The following SUSD5 variants were observed in gnomAD, a reference collection of about 807,000 sequenced individuals.
SUSD5 encodes the protein sushi domain containing 5.
A neutral mutation model predicts 29.5 loss-of-function variants in SUSD5; 33 were observed. The ratio of observed to expected loss-of-function variants is 1.12; its 90% CI spans 0.85 to 1.49. The LOEUF (loss-of-function observed/expected upper bound fraction) is 1.49, where lower values mean the gene tolerates loss of function less well. SUSD5 is among the 40% of genes most tolerant of loss of function. The pLI, the probability that SUSD5 is intolerant of heterozygous loss-of-function variation, is 0.00. For synonymous variants in SUSD5, 308 were observed against 325.3 expected, an observed-to-expected ratio of 0.95 and a Z score of 0.57; for missense variants, 776 against 800.6, an observed-to-expected ratio of 0.97 and a Z score of 0.37.
rs904744248 is a variant in SUSD5 at position 33,172,267 on chromosome 3, C to T, written c.598+2619G>A. ...ATAGCTTAAATGTTAAACTCTCAGA[C>T]ACTGTTAACAATCTGTATATCCAGC... On this transcript the variant is annotated intron_variant, in intron 4 of 4. Coordinates refer to ENST00000309558, the MANE Select transcript of SUSD5 (RefSeq NM_015551.2). 6.6e-5 allele frequency among the ~76,000 whole-genome samples: 10 copies of T among 152,164 alleles called. No individual in the cohort carries two copies. The Middle Eastern group carries it at 0.02, about 311-fold the overall frequency.
chr3:33,155,489 A>AAAACTGGG (rs763607256), intron 4 of SUSD5, among the ~76,000 whole-genome samples: 1 of 152,212 alleles, frequency 6.6e-6, no homozygotes, highest in Non-Finnish European at 1.5e-5. Context: ...ACCACGATGG[A>AAAACTGGG]AAACTGGGCA....
chr3:33,183,579 T>C (rs1414242966), intron 3 of SUSD5, among the ~76,000 whole-genome samples: 2 of 152,196 alleles, frequency 1.3e-5, no homozygotes, highest in Non-Finnish European at 2.9e-5. Flanking sequence ...TTGGTGTCAT[T>C]CAGTTCACTA....
intron 3 of SUSD5, among the ~76,000 whole-genome samples, chr3:33,201,943 C>T (rs930778319): frequency 1.3e-5 from 2 of 152,304 alleles, no homozygotes; most frequent in Non-Finnish European, 1.5e-5. Flanking sequence ...TCTCTAATAA[C>T]CTTTCTCCTT....
intron 3 of SUSD5, among the ~76,000 whole-genome samples, chr3:33,192,107 T>C (rs2031905182): frequency 6.6e-6 from 1 of 151,632 alleles, no homozygotes; most frequent in Non-Finnish European, 1.5e-5. Context: ...AGAGCCTTGC[T>C]CTGTCGCCTG....
rs963343091 is a variant in SUSD5, at chr3:33,204,261, C to A, written c.409+3547G>T. 2.0e-5 allele frequency among the ~76,000 whole-genome samples: 3 copies of A among 152,110 alleles called. No homozygotes were observed. The highest frequency in any genetic ancestry group is 7.2e-5 in the African/African-American group (3 of 41,416). On this transcript the variant is annotated intron_variant, in intron 3 of 4. Transcript: ENST00000309558. This position sits in a 1 kb window ranked among gnomAD's most constrained non-coding sequence, Gnocchi z 4.5. Reference sequence around the variant, plus strand: ...CAAACTTCTGGGCTCAAGTTATCCTCCAAAGTGTTGGGACTACAGGCATAA... The same window carrying A: ...CAAACTTCTGGGCTCAAGTTATCCTACAAAGTGTTGGGACTACAGGCATAA...
intron 3 of SUSD5, among the ~76,000 whole-genome samples, chr3:33,191,607 C>A (rs2031892837): frequency 6.6e-6 from 1 of 152,018 alleles, no homozygotes; most frequent in African/African-American, 2.4e-5. Flanking sequence ...AGTTTTTAAG[C>A]TTCTGATAAG....
chr3:33,181,233 T>C (rs899954476), intron 3 of SUSD5, among the ~76,000 whole-genome samples: 1 of 152,122 alleles, frequency 6.6e-6, no homozygotes, highest in East Asian at 1.9e-4. Flanking sequence ...TGCAGTAGTA[T>C]ACAGTAACGT....
chr3:33,216,496 C>T (rs2032430208), intron 1 of SUSD5, among the ~76,000 whole-genome samples: 1 of 152,056 alleles, frequency 6.6e-6, no homozygotes, highest in Non-Finnish European at 1.5e-5. Flanking sequence ...CAACACTTGG[C>T]AAAGATATTA....
intron 3 of SUSD5, among the ~76,000 whole-genome samples, chr3:33,187,314 C>T (rs892772219): frequency 3.6e-4 from 55 of 152,302 alleles, no homozygotes; most frequent in African/African-American, 1.1e-3. Flanking sequence ...ATTTTCAAAA[C>T]GATATGGGCT....
At chr3:33,183,826 GCC>G (rs2031722241) in intron 3 of SUSD5, among the ~76,000 whole-genome samples, 1 of 150,800 alleles carries the variant, frequency 6.6e-6, no homozygotes, top group Non-Finnish European at 1.5e-5. Flanking sequence ...GTTTGAGAAA[GCC>G]TTTATTTCTC....
chr3:33,209,734 AACTCCTTGGCTC>A (rs1195499940), intron 2 of SUSD5, among the ~76,000 whole-genome samples: 7 of 149,778 alleles, frequency 4.7e-5, no homozygotes, highest in Non-Finnish European at 7.4e-5. Flanking sequence ...TTAAACTTTG[AACTCCTTGGCTC>A]AAGTGATCCT....
chr3:33,153,864 C>G lies in SUSD5; in HGVS notation c.768G>C (p.Gly256=), dbSNP rs61742346. 5 of 1,613,956 alleles carry G rather than the reference C, an allele frequency of 3.1e-6. No homozygotes were observed. Among genetic ancestry groups the G allele is most frequent in the Non-Finnish European group, 4.2e-6 (5 of 1,179,874 alleles). The change falls in exon 5 of 5, where the codon GGG becomes GGC. Residue 256 remains glycine (G), a synonymous_variant. Transcript: ENST00000309558. ...CTTTATCCCGGGCTATGTTTTCTCT[C>G]CCCACAGAAATGGAGACCAGACGGT... is the stretch of plus-strand genomic sequence containing the variant. ...KQDRLVSISV[G]RENIARDKVF...
In SUSD5 at chr3:33,153,288, C is replaced by A. The variant is rs763963318; in HGVS notation, c.1344G>T (p.Ala448=). ...PSQMLDVEAL[A]LRPVNASETE... ...TCTCGGAAGCATTCACGGGTCTGAG[C>A]GCCAAAGCTTCCACATCTAGCATTT... Residue 448 remains alanine, a synonymous_variant, in exon 5 of 5, where the codon GCG becomes GCT. Transcript: ENST00000309558. The A allele has an allele frequency of 6.2e-7, 1 of 1,613,914 alleles. No homozygotes were observed. Among genetic ancestry groups the A allele is most frequent in the Non-Finnish European group, 8.5e-7 (1 of 1,179,884 alleles).
intron 2 of SUSD5, among the ~76,000 whole-genome samples, chr3:33,210,305 ACTGTGTCC>A (rs2032298831): frequency 3.3e-5 from 5 of 152,170 alleles, no homozygotes; most frequent in Non-Finnish European, 5.9e-5. Context: ...TGTACAGTGT[ACTGTGTCC>A]AGCTTACCCT....
In SUSD5 at chr3:33,152,718, T is replaced by A. The variant is rs770733461; in HGVS notation, c.*24A>T. 1 of 1,571,470 alleles carries A rather than the reference T, an allele frequency of 6.4e-7. No homozygotes were observed. The highest frequency in any genetic ancestry group is 1.2e-5 in the South Asian group (1 of 83,908). On this transcript the variant is annotated 3_prime_UTR_variant, in exon 5 of 5. Transcript: ENST00000309558. ...CAGTTATTTTCCTCCCAAGTGGCTTTGGGAGAACCCACTCCAAAGGTGCCT... is the reference window on the plus strand; with the variant it reads ...CAGTTATTTTCCTCCCAAGTGGCTTAGGGAGAACCCACTCCAAAGGTGCCT...
At chr3:33,188,477 T>C (rs1160877885) in intron 3 of SUSD5, among the ~76,000 whole-genome samples, 1 of 152,198 alleles carries the variant, frequency 6.6e-6, no homozygotes, top group East Asian at 1.9e-4. Flanking sequence ...AAGATGAACA[T>C]GCATCAGAAT....
chr3:33,165,088 G>A (rs1237888984), intron 4 of SUSD5, among the ~76,000 whole-genome samples: 1 of 151,638 alleles, frequency 6.6e-6, no homozygotes, highest in Admixed American at 6.6e-5. Context: ...CATGTAACAT[G>A]GTCACCAAAA....
Position 33,152,129 on chromosome 3 carries a change from A to G in SUSD5, c.*613T>C, listed in dbSNP as rs1418563772. On this transcript the variant is annotated 3_prime_UTR_variant, in exon 5 of 5. Coordinates refer to ENST00000309558, the MANE Select transcript of SUSD5 (RefSeq NM_015551.2). Reference sequence around the variant, plus strand: ...TGAAGCTGGTGATTTTCTTTCTTCAAAAAGGTAATACTGTGATGTGGCTCA... The same window carrying G: ...TGAAGCTGGTGATTTTCTTTCTTCAGAAAGGTAATACTGTGATGTGGCTCA... 1 of 152,250 alleles carries G rather than the reference A, an allele frequency of 6.6e-6. No homozygotes were observed. The highest frequency in any genetic ancestry group is 1.5e-5 in the Non-Finnish European group (1 of 68,082). The allele number at this position is 152,250 out of a possible 1,614,324, so 9.4% of individuals were successfully genotyped here. A position where few individuals can be genotyped will look rare whatever the true frequency, so the allele number is the denominator to read the frequency against.
chr3:33,207,919 C>A lies in SUSD5; in HGVS notation c.298G>T (p.Val100Leu). 6.2e-7 allele frequency: 1 copy of A among 1,613,024 alleles called. No homozygotes were observed. The highest frequency in any genetic ancestry group is 1.1e-5 in the South Asian group (1 of 90,880). ...TGTTCTCCACTTCCTTTGCTACACA[C>A]AGTTGTTCTGAAATAGACAAAAAAG... Reference protein sequence around the residue: ...WLADGTLGTTVCSKGSGEQQI... With the variant: ...WLADGTLGTTLCSKGSGEQQI... Residue 100 changes from valine to leucine, a missense_variant, in exon 3 of 5, where the codon GTG becomes TTG. Coordinates refer to ENST00000309558, the MANE Select transcript of SUSD5 (RefSeq NM_015551.2).
Sources: gnomAD v4.1 joint callset for allele counts (sites outside exome capture counted in the v4.1 genomes callset) on GRCh38, gnomAD v4.1.1 for gene constraint, Gnocchi (gnomAD v3.1) non-coding constraint, MANE v1.5 for transcripts, NCBI Gene and HGNC (gene_info 2026-07-23, HGNC 2026-07-21) for gene names.